ZNF761: variants seen among roughly 807,000 people sequenced by gnomAD.
ZNF761 encodes zinc finger protein 761.
A neutral mutation model predicts 59.9 loss-of-function variants in ZNF761; 43 were observed. The ratio of observed to expected loss-of-function variants is 0.72; its 90% confidence interval spans 0.56 to 0.92. The LOEUF (loss-of-function observed/expected upper bound fraction) is 0.92. Ranked by LOEUF, ZNF761 falls within the 40% of genes least tolerant of loss-of-function variation. ZNF761 has a pLI of 0.00. For missense variants in ZNF761, 850 were observed against 906.1 expected (o/e 0.94, Z 0.79); for synonymous variants, 294 against 304.8 (o/e 0.96, Z 0.37).
intron 1 of ZNF761, among the ~76,000 whole-genome samples, chr19:53,436,077 A>G (rs890563878): frequency 9.2e-5 from 14 of 152,154 alleles, no homozygotes; most frequent in Non-Finnish European, 2.1e-4. Context: ...GTCTCATCTC[A>G]GGATCGGCTG....
intron 3 of ZNF761, among the ~76,000 whole-genome samples, chr19:53,448,514 G>A (rs2086184868): frequency 1.3e-5 from 2 of 152,152 alleles, no homozygotes; most frequent in Non-Finnish European, 1.5e-5. Flanking sequence ...TCCCGTTCAC[G>A]TGTATTTCTA....
chr19:53,436,294 G>A (rs2086041485), intron 1 of ZNF761, among the ~76,000 whole-genome samples: 2 of 152,202 alleles, frequency 1.3e-5, no homozygotes, highest in South Asian at 2.1e-4. Flanking sequence ...TGAAAGGGGT[G>A]TACTTGATCT....
chr19:53,456,124 C>A lies in ZNF761; in HGVS notation c.1617C>A (p.Cys539Ter), dbSNP rs2086267705. Residue 539 changes from cysteine to a stop codon, truncating the protein, a stop_gained, in exon 5 of 5, where the codon TGC (cysteine) becomes TGA (stop). Transcript: ENST00000684525. LOFTEE classifies it high-confidence loss of function. ...TTAGTTGGAAGTCATCCCTTACCTG[C>A]CATCGTAGACTTCATTCTGGAGAGA... ...KTFSWKSSLT[C>*]HRRLHSGEKP... The A allele has an allele frequency of 6.2e-7, 1 of 1,603,318 alleles. No homozygotes were observed. The highest frequency in any genetic ancestry group is 1.3e-5 in the African/African-American group (1 of 74,490).
At chr19:53,451,654 C>A (rs2086222941) in intron 4 of ZNF761, among the ~76,000 whole-genome samples, 1 of 151,832 alleles carries the variant, frequency 6.6e-6, no homozygotes, top group South Asian at 2.1e-4. Context: ...GCGACCTCAG[C>A]TAACTGCAAC....
chr19:53,454,486 G>C (rs560233689), intron 4 of ZNF761, among the ~76,000 whole-genome samples, 164 bp from the exon 5 acceptor site: 3 of 152,154 alleles, frequency 2.0e-5, no homozygotes, highest in Admixed American at 6.5e-5. Context: ...ACATGTAATC[G>C]CCCTTTATTT....
chr19:53,455,310 A>G lies in ZNF761; in HGVS notation c.803A>G (p.Asn268Ser), dbSNP rs1202489118. ...ACHRRCHTGE[N>S]PYKCNECGKT... ...CATCGTAGATGTCACACTGGTGAGA[A>G]TCCTTACAAGTGTAATGAGTGTGGC... Residue 268 changes from asparagine (N) to serine (S), a missense_variant, in exon 5 of 5, where the codon AAT becomes AGT. Coordinates refer to ENST00000684525, the MANE Select transcript of ZNF761 (RefSeq NM_001289951.2). 4.3e-6 allele frequency: 7 copies of G among 1,614,244 alleles called. No homozygotes were observed. Among genetic ancestry groups the G allele is most frequent in the Non-Finnish European group, 5.1e-6 (6 of 1,180,042 alleles).
At chr19:53,437,728 C>T (rs975747721) in intron 1 of ZNF761, among the ~76,000 whole-genome samples, 6 of 152,158 alleles carry the variant, frequency 3.9e-5, no homozygotes, top group African/African-American at 1.4e-4. Flanking sequence ...GCTGTAGAAT[C>T]TCTTCTTTGT....
intron 4 of ZNF761, among the ~76,000 whole-genome samples, chr19:53,452,156 C>A (rs376115113): frequency 6.6e-6 from 1 of 152,220 alleles, no homozygotes; most frequent in African/African-American, 2.4e-5. Flanking sequence ...TGAGACCAGT[C>A]TGGCCAACAT....
At chr19:53,435,336 C>CTTTTTTTTTT (rs2086028839) in intron 1 of ZNF761, among the ~76,000 whole-genome samples, 1 of 66,540 alleles carries the variant, frequency 1.5e-5, no homozygotes, top group African/African-American at 5.9e-5. Context: ...TGGAGTTTTG[C>CTTTTTTTTTT]TCTTGTTGCC....
chr19:53,443,451 C>T (rs551375913), intron 1 of ZNF761: 12 of 152,338 alleles, frequency 7.9e-5, no homozygotes, highest in African/African-American at 1.2e-4. Context: ...AGGGGGCCAA[C>T]GCTAGTATGG....
At chr19:53,432,435 C>T (rs1032064872) in intron 1 of ZNF761, among the ~76,000 whole-genome samples, 2 of 152,150 alleles carry the variant, frequency 1.3e-5, no homozygotes, top group Admixed American at 6.5e-5. Context: ...CAGACCCCAC[C>T]CTTGCCTTAA....
chr19:53,443,483 C>CT (rs1319508827), intron 1 of ZNF761: 2 of 152,220 alleles, frequency 1.3e-5, no homozygotes, highest in Non-Finnish European at 2.9e-5. Context: ...GACCTGAGCT[C>CT]TGGAAGCCCA....
intron 1 of ZNF761, 32 bp from the exon 2 acceptor site, chr19:53,446,195 T>G (rs2086157337): frequency 6.5e-6 from 1 of 152,962 alleles, no homozygotes; most frequent in Admixed American, 6.5e-5. Context: ...ATCAATCACA[T>G]CAGAATTTTT....
chr19:53,434,418 G>C (rs77115446), intron 1 of ZNF761, among the ~76,000 whole-genome samples: 1 of 152,104 alleles, frequency 6.6e-6, no homozygotes, highest in South Asian at 2.1e-4. Flanking sequence ...GCAACTGTCG[G>C]TAGGCCTGTG....
intron 1 of ZNF761, among the ~76,000 whole-genome samples, chr19:53,433,459 G>GTTATCTTGTAACTGTTCT (rs1568796772): frequency 1.2e-4 from 4 of 32,008 alleles, no homozygotes; most frequent in East Asian, 1.0e-3. Flanking sequence ...CTTCGACTTC[G>GTTATCTTGTAACTGTTCT]CCAAGTCGAG....
chr19:53,437,469 A>G (rs765861596), intron 1 of ZNF761, among the ~76,000 whole-genome samples: 3 of 152,174 alleles, frequency 2.0e-5, no homozygotes, highest in Non-Finnish European at 4.4e-5. Context: ...CTTTCTTTTC[A>G]TACATTTTAT....
At chr19:53,436,847 A>G (rs1301493352) in intron 1 of ZNF761, among the ~76,000 whole-genome samples, 3 of 152,198 alleles carry the variant, frequency 2.0e-5, no homozygotes, top group African/African-American at 7.2e-5. Context: ...GCATATACCC[A>G]TAGCCTCTGG....
At position 53,456,666 on chromosome 19, in the gene ZNF761, GTAA is replaced by G. The variant is rs2086275562; in HGVS notation, c.2161_2163del (p.Asn721del). ...CATACTGGAGAGAAACCTTACAAGTGTAATGAGTGTGGCAAGACCTTTAGTCAG... is the reference window on the plus strand; with the variant it reads ...CATACTGGAGAGAAACCTTACAAGTGTGAGTGTGGCAAGACCTTTAGTCAG... On this transcript the variant is annotated inframe_deletion, in exon 5 of 5. Transcript: ENST00000684525. 6.2e-7 allele frequency: 1 copy of G among 1,613,932 alleles called. No individual in the cohort carries two copies. Among genetic ancestry groups the G allele is most frequent in the African/African-American group, 1.3e-5 (1 of 74,910 alleles).
At chr19:53,448,192 CGG>C (rs1478750186) in intron 3 of ZNF761, among the ~76,000 whole-genome samples, 1 of 152,096 alleles carries the variant, frequency 6.6e-6, no homozygotes, top group Non-Finnish European at 1.5e-5. Flanking sequence ...TTATTAGCGA[CGG>C]GTATCACCAT....
Sources: allele counts gnomAD v4.1 joint callset (sites outside exome capture counted in the v4.1 genomes callset), GRCh38; gene constraint gnomAD v4.1.1; transcripts MANE v1.5; gene names NCBI Gene and HGNC (gene_info 2026-07-23, HGNC 2026-07-21).